RNF138: variants seen among roughly 807,000 people sequenced by gnomAD.
The protein encoded by RNF138 is ring finger protein 138.
RNF138 carries 12 observed loss-of-function variants against 31.0 expected under a neutral mutation model. That is an observed-to-expected ratio of 0.39 (90% CI 0.25 to 0.63). The LOEUF (loss-of-function observed/expected upper bound fraction) is 0.63. Ranked by LOEUF, RNF138 falls within the 20% of genes least tolerant of loss-of-function variation. The probability of loss-of-function intolerance (pLI) is 0.52; values close to 1 mark genes in which losing one functional copy is unlikely to be tolerated. For synonymous variants in RNF138, 105 were observed against 99.5 expected (o/e 1.06, Z -0.33); for missense variants, 192 against 300.1 (o/e 0.64, Z 2.66).
intron 2 of RNF138, among the ~76,000 whole-genome samples, chr18:32,108,296 C>T (rs1186648162): frequency 6.6e-6 from 1 of 152,136 alleles, no homozygotes; most frequent in Non-Finnish European, 1.5e-5. Flanking sequence ...TTATTAGCAT[C>T]CCAGAAACTC....
intron 2 of RNF138, among the ~76,000 whole-genome samples, chr18:32,105,876 A>G (rs1409727959): frequency 6.6e-6 from 1 of 152,176 alleles, no homozygotes; most frequent in African/African-American, 2.4e-5. Flanking sequence ...CCCCCTGAAA[A>G]TTGTTTTGGT....
intron 4 of RNF138, among the ~76,000 whole-genome samples, chr18:32,114,546 G>A (rs573780875): frequency 1.3e-5 from 2 of 152,174 alleles, no homozygotes; most frequent in East Asian, 1.9e-4. Flanking sequence ...CATTTGAACC[G>A]TACACTCCTA....
At chr18:32,099,646 C>T (rs993989199) in intron 2 of RNF138, among the ~76,000 whole-genome samples, 1 of 152,172 alleles carries the variant, frequency 6.6e-6, no homozygotes, top group Non-Finnish European at 1.5e-5. Flanking sequence ...CCCAAATGAT[C>T]TGCCCCGCCT....
At chr18:32,104,254 C>T (rs1184344478) in intron 2 of RNF138, among the ~76,000 whole-genome samples, 1 of 151,622 alleles carries the variant, frequency 6.6e-6, no homozygotes, top group Non-Finnish European at 1.5e-5. Context: ...GTCAAATGAT[C>T]CCCCCACTTC....
At position 32,124,780 on chromosome 18, in the gene RNF138, A is replaced by G; in HGVS notation, c.496A>G (p.Asn166Asp). The G allele has an allele frequency of 6.2e-7, 1 of 1,607,432 alleles. No individual in the cohort carries two copies. The highest frequency in any genetic ancestry group is 8.5e-7 in the Non-Finnish European group (1 of 1,174,082). ...TAAGTGTCCCCTGTGTCAAGAATCA[A>G]ATTTTACCAGACAGCGTTTACTGGA... Reference protein sequence around the residue: ...TFKCPLCQESNFTRQRLLDHC... With the variant: ...TFKCPLCQESDFTRQRLLDHC... The change falls in exon 6 of 8, where the codon AAT (asparagine) becomes GAT (aspartate). Residue 166 changes from asparagine to aspartate, a missense_variant. This residue lies in a region of RNF138 where 140 missense variants were observed against 251.7 expected (regional missense o/e 0.56). Transcript: ENST00000261593.
chr18:32,099,760 A>C (rs572113123), intron 2 of RNF138, among the ~76,000 whole-genome samples: 84 of 152,318 alleles, frequency 5.5e-4, no homozygotes, highest in African/African-American at 1.9e-3. Context: ...GAATCAGATA[A>C]TTTGACCAAT....
At chr18:32,102,718 C>T (rs2039965156) in intron 2 of RNF138, among the ~76,000 whole-genome samples, 1 of 151,290 alleles carries the variant, frequency 6.6e-6, no homozygotes, top group Admixed American at 6.6e-5. Context: ...CTGAAACCTC[C>T]ATCTCCCAGG....
At chr18:32,098,610 T>C (rs1031626960) in intron 2 of RNF138, among the ~76,000 whole-genome samples, 26 of 152,064 alleles carry the variant, frequency 1.7e-4, no homozygotes, top group African/African-American at 6.0e-4. Flanking sequence ...CCCAGCACTT[T>C]GGGAGGCCGA....
At chr18:32,111,603 TAC>T (rs1374165086) in intron 2 of RNF138, 149 bp from the exon 3 acceptor site, 6 of 635,270 alleles carry the variant, frequency 9.4e-6, no homozygotes, top group South Asian at 4.3e-5. Flanking sequence ...TAAATACATA[TAC>T]AGTTACTAAA....
intron 4 of RNF138, among the ~76,000 whole-genome samples, chr18:32,118,945 C>T (rs2040260306): frequency 6.6e-6 from 1 of 152,168 alleles, no homozygotes; most frequent in Non-Finnish European, 1.5e-5. Context: ...AAAGTATTTA[C>T]ATGTATATGC....
At chr18:32,094,337 C>G (rs1274986988) in intron 2 of RNF138, among the ~76,000 whole-genome samples, 1 of 152,098 alleles carries the variant, frequency 6.6e-6, no homozygotes, top group African/African-American at 2.4e-5. Flanking sequence ...CCAATCTTAA[C>G]TGCACTGTCT....
chr18:32,093,013 C>T (rs1265764071), intron 2 of RNF138, 127 bp downstream of exon 2: 1 of 495,114 alleles, frequency 2.0e-6, no homozygotes, highest in Non-Finnish European at 3.5e-6. Flanking sequence ...GTCGCTGCCC[C>T]GCGAGGTCCC....
chr18:32,123,197 A>G (rs1029675290), intron 4 of RNF138, among the ~76,000 whole-genome samples: 1 of 152,198 alleles, frequency 6.6e-6, no homozygotes, highest in Non-Finnish European at 1.5e-5. Context: ...GTAAAGGTAG[A>G]GGAATGGGAT....
Position 32,112,625 on chromosome 18 carries a change from T to C in RNF138, c.276+706T>C, listed in dbSNP as rs1439854416. Reference sequence around the variant, plus strand: ...TGAACCTGGGCGGCAGAGGTTGCGGTGAGCTGAGATTGCGCCATTGCACTC... The same window carrying C: ...TGAACCTGGGCGGCAGAGGTTGCGGCGAGCTGAGATTGCGCCATTGCACTC... On this transcript the variant is annotated intron_variant, in intron 3 of 7. Coordinates refer to ENST00000261593, the MANE Select transcript of RNF138 (RefSeq NM_016271.5). Among the ~76,000 whole-genome samples, 7 of 152,242 alleles carry C rather than the reference T, an allele frequency of 4.6e-5. No individual in the cohort carries two copies. In the East Asian group the frequency reaches 1.3e-3, roughly 29 times the overall value.
At chr18:32,108,979 G>C (rs1473985112) in intron 2 of RNF138, among the ~76,000 whole-genome samples, 1 of 151,990 alleles carries the variant, frequency 6.6e-6, no homozygotes, top group Non-Finnish European at 1.5e-5. Context: ...TATGTATATA[G>C]GTTTGATGGG....
In RNF138 at chr18:32,129,381, A is replaced by C. The variant is rs1157731009; in HGVS notation, c.*194A>C. 8.0e-6 allele frequency: 4 copies of C among 498,992 alleles called. No homozygotes were observed. The highest frequency in any genetic ancestry group is 1.4e-5 in the Non-Finnish European group (4 of 278,800). The allele number at this position is 498,992 out of a possible 1,614,324, so 30.9% of individuals were successfully genotyped here. ...GATAAGTTAAAAAATGAAAGTTATG[A>C]CATTAGCTTTAAAGGTGTAAAAAAG... On this transcript the variant is annotated 3_prime_UTR_variant, in exon 8 of 8. Coordinates refer to ENST00000261593, the MANE Select transcript of RNF138 (RefSeq NM_016271.5).
chr18:32,112,873 G>GACATTTTTTCTAATAGCTAATGAATTC (rs1373015320), intron 3 of RNF138, among the ~76,000 whole-genome samples: 1 of 152,114 alleles, frequency 6.6e-6, no homozygotes, highest in African/African-American at 2.4e-5. Flanking sequence ...ATTTATCACC[G>GACATTTTTTCTAATAGCTAATGAATTC]ACATTTTTTC....
chr18:32,124,592 T>C, intron 5 of RNF138, 142 bp from the exon 6 acceptor site: 1 of 599,084 alleles, frequency 1.7e-6, no homozygotes, highest in Non-Finnish European at 3.0e-6. Context: ...CCTGAATACA[T>C]ATGTTCAAAA....
At chr18:32,125,037 A>T (rs1048118267) in intron 6 of RNF138, 192 bp downstream of exon 6, 7 of 521,738 alleles carry the variant, frequency 1.3e-5, no homozygotes. Flanking sequence ...AGTAACTCTC[A>T]TTATAAAAAG....
Sources: gnomAD v4.1 joint callset for allele counts (sites outside exome capture counted in the v4.1 genomes callset) on GRCh38, gnomAD v4.1.1 for gene constraint, gnomAD v4.1.1 regional missense constraint, MANE v1.5 for transcripts, NCBI Gene and HGNC (gene_info 2026-07-23, HGNC 2026-07-21) for gene names.